Variants in PTPN9 observed in about 807,000 individuals in gnomAD.
PTPN9 encodes the protein protein tyrosine phosphatase non-receptor type 9.
Under a neutral mutation model 69.8 loss-of-function variants are expected in PTPN9, and 26 were observed. That is an observed-to-expected ratio of 0.37 (90% confidence interval 0.27 to 0.52). The LOEUF is 0.52. PTPN9 is among the 20% of genes least tolerant of loss of function. The pLI, the probability that PTPN9 is intolerant of heterozygous loss-of-function variation, is 0.91. For synonymous variants in PTPN9, 274 were observed against 272.5 expected (o/e 1.01, Z -0.05); for missense variants, 549 against 740.3 (o/e 0.74, Z 3.00).
At chr15:75,527,406 G>C in intron 1 of PTPN9, 145 bp from the exon 2 acceptor site, 1 of 799,026 alleles carries the variant, frequency 1.3e-6, no homozygotes. Flanking sequence ...CAAACAAAAA[G>C]GTAGAAACAG....
chr15:75,530,440 ATAT>A (rs779729453), intron 1 of PTPN9, among the ~76,000 whole-genome samples: 447 of 106,986 alleles, frequency 4.2e-3, no homozygotes, highest in African/African-American at 5.9e-3. Context: ...AATATATAAT[ATAT>A]TATTATTATA....
At chr15:75,539,349 T>C (rs1567512247) in intron 1 of PTPN9, among the ~76,000 whole-genome samples, 1 of 151,548 alleles carries the variant, frequency 6.6e-6, no homozygotes, top group Non-Finnish European at 1.5e-5. Flanking sequence ...AGTCTCGCAC[T>C]GCCACCCAGG....
chr15:75,472,143 A>G (rs959979432), intron 10 of PTPN9, among the ~76,000 whole-genome samples: 5 of 152,134 alleles, frequency 3.3e-5, no homozygotes, highest in African/African-American at 1.2e-4. Flanking sequence ...TTGTAGACCA[A>G]AATTTCAAAA....
Position 75,468,994 on chromosome 15 carries a change from A to G in PTPN9, c.1568-11T>C, listed in dbSNP as rs2074550409. On this transcript the variant is annotated splice_polypyrimidine_tract_variant and intron_variant, in intron 12 of 12. Coordinates refer to ENST00000618819, the MANE Select transcript of PTPN9 (RefSeq NM_002833.4). ...GTGAGCAGAAGGTACCTGAAGAAGG[A>G]AGGAAGTGATCACATCTGGTTTACC... The G allele has an allele frequency of 6.2e-7, 1 of 1,604,088 alleles. No homozygotes were observed. Among genetic ancestry groups the G allele is most frequent in the South Asian group, 1.1e-5 (1 of 90,800 alleles).
At chr15:75,556,102 T>C (rs1179471102) in intron 1 of PTPN9, among the ~76,000 whole-genome samples, 1 of 150,208 alleles carries the variant, frequency 6.7e-6, no homozygotes, top group Non-Finnish European at 1.5e-5. Context: ...TTTTTTTCTG[T>C]CGCCCAGGCT....
At chr15:75,527,317 C>G (rs1373695325) in intron 1 of PTPN9, 56 bp from the exon 2 acceptor site, 2 of 1,581,120 alleles carry the variant, frequency 1.3e-6, no homozygotes, top group Non-Finnish European at 1.7e-6. Flanking sequence ...TTTATGGAGT[C>G]AAAAAACAAA....
At position 75,484,883 on chromosome 15, in the gene PTPN9, T is replaced by C. The variant is rs141942430; in HGVS notation, c.1063-4969A>G. On this transcript the variant is annotated intron_variant, in intron 8 of 12. Coordinates refer to ENST00000618819, the MANE Select transcript of PTPN9 (RefSeq NM_002833.4). ...AACCTCCTAAGATATCTCCACCTCATGGTCAAACCCATGTTACTTGGATTT... is the reference window on the plus strand; with the variant it reads ...AACCTCCTAAGATATCTCCACCTCACGGTCAAACCCATGTTACTTGGATTT... Among the ~76,000 whole-genome samples, 290 of 152,316 alleles carry C rather than the reference T, an allele frequency of 1.9e-3. 1 individual carries two copies. The South Asian group carries it at 0.021, about 11-fold the overall frequency.
chr15:75,505,537 C>A, intron 7 of PTPN9, 138 bp downstream of exon 7: 2 of 560,500 alleles, frequency 3.6e-6, no homozygotes, highest in Non-Finnish European at 6.1e-6. Flanking sequence ...TGCGAGAAAC[C>A]ATCATTTATG....
intron 1 of PTPN9, among the ~76,000 whole-genome samples, chr15:75,555,022 G>T (rs1346730552): frequency 1.3e-5 from 2 of 152,204 alleles, no homozygotes. Context: ...ATCTGCAGTG[G>T]ACATCAGGTA....
At chr15:75,521,173 C>T (rs187789025) in intron 4 of PTPN9, among the ~76,000 whole-genome samples, 10 of 144,430 alleles carry the variant, frequency 6.9e-5, no homozygotes, top group Admixed American at 4.8e-4. Flanking sequence ...GGGCCGGGCA[C>T]GGTGGCTCAC....
Position 75,550,712 on chromosome 15 carries a change from G to A in PTPN9, c.64-23451C>T, listed in dbSNP as rs528956777. Among the ~76,000 whole-genome samples the A allele has an allele frequency of 9.2e-5, 14 of 152,026 alleles. 1 individual carries two copies. In the South Asian group the frequency reaches 2.7e-3, roughly 29 times the overall value. On this transcript the variant is annotated intron_variant, in intron 1 of 12. Coordinates refer to ENST00000618819, the MANE Select transcript of PTPN9 (RefSeq NM_002833.4). ...AGAGGCAGGAGAATCGCTTGAACCC[G>A]GGAGAAGGTTGCAGTGAGCCAAGAT...
chr15:75,495,406 T>C (rs2074734106), intron 7 of PTPN9, among the ~76,000 whole-genome samples: 1 of 152,044 alleles, frequency 6.6e-6, no homozygotes, highest in Non-Finnish European at 1.5e-5. Context: ...ATAAATCTGA[T>C]TGGGCATATA....
rs762666594 is a variant in PTPN9 at position 75,505,822 on chromosome 15, T to C, written c.821A>G (p.Asp274Gly). The C allele has an allele frequency of 4.3e-6, 7 of 1,614,052 alleles. No homozygotes were observed. Among genetic ancestry groups the C allele is most frequent in the Non-Finnish European group, 5.9e-6 (7 of 1,179,998 alleles). ...ACCTGGAACATGTACTGAGTCCCAGTCTAAGGCAGGAGGGAGGGAGAACAG... is the reference window on the plus strand; with the variant it reads ...ACCTGGAACATGTACTGAGTCCCAGCCTAAGGCAGGAGGGAGGGAGAACAG... ...IILFSLPPAL[D>G]WDSVHVPGPH... Residue 274 changes from aspartate to glycine, a missense_variant, in exon 7 of 13, where the codon GAC becomes GGC. Physicochemically the swap from Asp to Gly is moderately conservative, Grantham distance 94. Around this residue, in one of 3 missense-constraint regions of PTPN9, gnomAD observed 457 missense variants for 661.9 expected, o/e 0.69. Coordinates refer to ENST00000618819, the MANE Select transcript of PTPN9 (RefSeq NM_002833.4).
chr15:75,564,841 C>G (rs1010864604), intron 1 of PTPN9, among the ~76,000 whole-genome samples: 9 of 151,796 alleles, frequency 5.9e-5, no homozygotes, highest in Non-Finnish European at 1.2e-4. Context: ...CGGTGGCTCA[C>G]GACTGTAATC....
chr15:75,531,527 C>T (rs1178237711), intron 1 of PTPN9, among the ~76,000 whole-genome samples: 2 of 151,910 alleles, frequency 1.3e-5, no homozygotes, highest in African/African-American at 4.8e-5. Flanking sequence ...AAAACTCTAG[C>T]CAGTCAGTAA....
At chr15:75,534,461 C>A (rs568851004) in intron 1 of PTPN9, among the ~76,000 whole-genome samples, 1 of 152,120 alleles carries the variant, frequency 6.6e-6, no homozygotes, top group African/African-American at 2.4e-5. Context: ...ACTGCTTGAG[C>A]CCAGGAGTTA....
chr15:75,527,854 C>CAA (rs541275769), intron 1 of PTPN9, among the ~76,000 whole-genome samples: 1 of 125,690 alleles, frequency 8.0e-6, no homozygotes, highest in Admixed American at 8.0e-5. Flanking sequence ...GAAACTGTCT[C>CAA]AAAAAAAAAA....
chr15:75,520,605 C>T (rs2074899243), intron 4 of PTPN9, among the ~76,000 whole-genome samples: 1 of 151,824 alleles, frequency 6.6e-6, no homozygotes, highest in African/African-American at 2.4e-5. Context: ...GCAACCTCCG[C>T]CCAAGTTCAA....
chr15:75,577,364 T>C (rs1595975294), intron 1 of PTPN9, among the ~76,000 whole-genome samples: 1 of 152,340 alleles, frequency 6.6e-6, no homozygotes, highest in Non-Finnish European at 1.5e-5. Context: ...ACTGAAGTAC[T>C]TCCCAATTCT....
Sources: gnomAD v4.1 joint callset for allele counts (sites outside exome capture counted in the v4.1 genomes callset) on GRCh38, gnomAD v4.1.1 for gene constraint, gnomAD v4.1.1 regional missense constraint, MANE v1.5 for transcripts, NCBI Gene and HGNC (gene_info 2026-07-23, HGNC 2026-07-21) for gene names.